Variants in MACROD2 observed in about 807,000 individuals in gnomAD.
MACROD2 encodes the protein ADP-ribose glycohydrolase MACROD2.
In MACROD2, 36 loss-of-function variants were observed where a neutral mutation model predicts 70.4. That is an observed-to-expected ratio of 0.51 (90% CI 0.39 to 0.68). MACROD2 has a LOEUF of 0.68. Ranked by LOEUF, MACROD2 falls within the 30% of genes least tolerant of loss-of-function variation. The pLI is 0.00. For missense variants in MACROD2, 496 were observed against 538.4 expected (o/e 0.92, Z 0.78); for synonymous variants, 172 against 178.8 (o/e 0.96, Z 0.30).
intron 4 of MACROD2, among the ~76,000 whole-genome samples, chr20:14,554,757 G>A (rs1331107984): frequency 6.6e-6 from 1 of 151,886 alleles, no homozygotes; most frequent in Non-Finnish European, 1.5e-5. Flanking sequence ...AACTCTCAGG[G>A]GGAAAATAGT....
chr20:14,507,432 T>G (rs914318328), intron 4 of MACROD2, among the ~76,000 whole-genome samples: 2 of 152,164 alleles, frequency 1.3e-5, no homozygotes. Context: ...GGTTTCTGTT[T>G]GGGAAGAAGA....
rs1308043068 is a variant in MACROD2 at position 15,843,649 on chromosome 20, AT to A, written c.646-19088del. 3.9e-5 allele frequency among the ~76,000 whole-genome samples: 6 copies of A among 151,930 alleles called. No individual in the cohort carries two copies. The South Asian group carries it at 1.2e-3, about 32-fold the overall frequency. Reference sequence around the variant, plus strand: ...GTGCAAATGTAAAAGTCATGGTAGAATTTTTTTTGGCATATGTGTAGAATTT... The same window carrying A: ...GTGCAAATGTAAAAGTCATGGTAGAATTTTTTTGGCATATGTGTAGAATTT... On this transcript the variant is annotated intron_variant, in intron 8 of 17. Coordinates refer to ENST00000684519, the MANE Select transcript of MACROD2 (RefSeq NM_001351661.2).
intron 8 of MACROD2, among the ~76,000 whole-genome samples, chr20:15,691,595 A>G (rs1266919625): frequency 6.6e-6 from 1 of 152,192 alleles, no homozygotes; most frequent in East Asian, 1.9e-4. Context: ...AAGCTTCTCT[A>G]AGTAGGGACA....
At chr20:14,277,732 A>G (rs2082271994) in intron 3 of MACROD2, among the ~76,000 whole-genome samples, 1 of 152,022 alleles carries the variant, frequency 6.6e-6, no homozygotes, top group South Asian at 2.1e-4. Flanking sequence ...AGAGAGAGAA[A>G]AGAAATAGGT....
At chr20:14,541,904 AG>A (rs1395682915) in intron 4 of MACROD2, among the ~76,000 whole-genome samples, 1 of 152,244 alleles carries the variant, frequency 6.6e-6, no homozygotes, top group Non-Finnish European at 1.5e-5. Context: ...ATAATACTAC[AG>A]GGGAACCACA....
intron 3 of MACROD2, among the ~76,000 whole-genome samples, chr20:14,193,785 T>C (rs6105222): frequency 0.53 from 79,932 of 152,034 alleles, 22,688 homozygotes; most frequent in Non-Finnish European, 0.62. Flanking sequence ...ATTGGCTCAA[T>C]TGGAACGAGG....
At chr20:14,164,282 A>G (rs2055233564) in intron 3 of MACROD2, among the ~76,000 whole-genome samples, 1 of 151,878 alleles carries the variant, frequency 6.6e-6, no homozygotes, top group Non-Finnish European at 1.5e-5. Context: ...CTGTGGTGAA[A>G]TTTTGCTGGG....
At chr20:15,682,605 C>A (rs1360526575) in intron 8 of MACROD2, among the ~76,000 whole-genome samples, 1 of 152,148 alleles carries the variant, frequency 6.6e-6, no homozygotes, top group East Asian at 1.9e-4. Context: ...AGTGAGAGGA[C>A]CATGTTTCAT....
intron 5 of MACROD2, chr20:14,895,343 G>A (rs2073814459): frequency 6.6e-6 from 1 of 152,120 alleles, no homozygotes; most frequent in Non-Finnish European, 1.5e-5. Flanking sequence ...CAGATTAAGG[G>A]TTAAGAATTC....
intron 9 of MACROD2, among the ~76,000 whole-genome samples, chr20:15,864,867 G>T (rs2064470485): frequency 6.6e-6 from 1 of 152,072 alleles, no homozygotes; most frequent in African/African-American, 2.4e-5. Flanking sequence ...CAAAAATTGT[G>T]ATTTCTGCAA....
intron 5 of MACROD2, among the ~76,000 whole-genome samples, chr20:14,975,341 A>G (rs982419429): frequency 6.6e-6 from 1 of 152,140 alleles, no homozygotes. Context: ...GTGCGTATCC[A>G]TAGAAATTCT....
chr20:14,524,579 G>A (rs1267147613), intron 4 of MACROD2, among the ~76,000 whole-genome samples: 1 of 152,150 alleles, frequency 6.6e-6, no homozygotes, highest in Non-Finnish European at 1.5e-5. Flanking sequence ...GGAAAAGGAA[G>A]GACAGGATAA....
At chr20:14,068,646 G>A (rs2053799694) in intron 2 of MACROD2, among the ~76,000 whole-genome samples, 1 of 152,110 alleles carries the variant, frequency 6.6e-6, no homozygotes, top group East Asian at 1.9e-4. Context: ...GCTTTAGGGT[G>A]GGATGAGGAT....
At chr20:15,292,812 A>T (rs1328256104) in intron 6 of MACROD2, among the ~76,000 whole-genome samples, 1 of 152,186 alleles carries the variant, frequency 6.6e-6, no homozygotes, top group East Asian at 1.9e-4. Context: ...TCTTGGTTTA[A>T]TGCTTCCATT....
intron 5 of MACROD2, among the ~76,000 whole-genome samples, chr20:14,862,898 T>C (rs1025184163): frequency 2.7e-5 from 4 of 150,092 alleles, no homozygotes; most frequent in Admixed American, 2.0e-4. Flanking sequence ...TGTACATTCC[T>C]ATATGGGAGC....
chr20:15,524,545 A>G (rs1351466329), intron 8 of MACROD2, among the ~76,000 whole-genome samples: 2 of 152,164 alleles, frequency 1.3e-5, no homozygotes, highest in East Asian at 3.9e-4. Context: ...ATGGGCTGTC[A>G]TTTCTATATA....
chr20:15,979,850 C>G (rs2066369427), intron 13 of MACROD2, among the ~76,000 whole-genome samples: 1 of 151,940 alleles, frequency 6.6e-6, no homozygotes, highest in African/African-American at 2.4e-5. Context: ...TAGTATGTGT[C>G]CTAAGAGAAT....
intron 3 of MACROD2, among the ~76,000 whole-genome samples, chr20:14,269,375 G>T (rs1000557838): frequency 6.6e-6 from 1 of 152,140 alleles, no homozygotes; most frequent in Non-Finnish European, 1.5e-5. Flanking sequence ...GAAATGTTTT[G>T]ATTTGCTGAA....
chr20:15,656,290 G>A (rs2049729575), intron 8 of MACROD2, among the ~76,000 whole-genome samples: 1 of 152,178 alleles, frequency 6.6e-6, no homozygotes, highest in Non-Finnish European at 1.5e-5. Flanking sequence ...AAAAGAGTCA[G>A]GCTGTATGAA....
Sources: gnomAD v4.1 joint callset for allele counts (sites outside exome capture counted in the v4.1 genomes callset) on GRCh38, gnomAD v4.1.1 for gene constraint, MANE v1.5 for transcripts, NCBI Gene and HGNC (gene_info 2026-07-23, HGNC 2026-07-21) for gene names.